Variants in PRKG1 observed in about 807,000 individuals in gnomAD.
PRKG1 encodes protein kinase cGMP-dependent 1, also known as cGMP-dependent protein kinase 1.
In PRKG1, 35 loss-of-function variants were observed where a neutral mutation model predicts 88.1. That is an observed-to-expected ratio of 0.40 (90% CI 0.30 to 0.53). PRKG1 has a LOEUF of 0.53. Among genes scored for constraint, PRKG1 ranks in the 20% least tolerant of loss-of-function variants. The pLI is 0.59. For synonymous variants in PRKG1, 303 were observed against 292.5 expected (o/e 1.04, Z -0.37); for missense variants, 540 against 839.8 (o/e 0.64, Z 4.41).
At chr10:51,129,194 G>A (rs920907341) in intron 1 of PRKG1, among the ~76,000 whole-genome samples, 4 of 152,164 alleles carry the variant, frequency 2.6e-5, no homozygotes, top group African/African-American at 9.6e-5. Context: ...ACATAAACAG[G>A]GCCGGGTGTG....
upstream of PRKG1, among the ~76,000 whole-genome samples, chr10:51,071,446 A>G (rs568090297): frequency 6.6e-6 from 1 of 152,354 alleles, no homozygotes; most frequent in East Asian, 1.9e-4. Context: ...AATATATTCT[A>G]TTCCTTGAAC....
At chr10:51,204,966 A>G (rs566611113) in intron 2 of PRKG1, among the ~76,000 whole-genome samples, 36 of 152,046 alleles carry the variant, frequency 2.4e-4, no homozygotes, top group African/African-American at 6.3e-4. Context: ...CATGGTGTGT[A>G]CTTTCCCATG....
chr10:52,283,357 A>G (rs1842042603), intron 14 of PRKG1, among the ~76,000 whole-genome samples: 2 of 152,086 alleles, frequency 1.3e-5, no homozygotes. Flanking sequence ...GAATTACTTA[A>G]GAGGACTTAG....
At chr10:51,493,876 A>G (rs1397206232) in intron 3 of PRKG1, among the ~76,000 whole-genome samples, 2 of 152,170 alleles carry the variant, frequency 1.3e-5, no homozygotes, top group Non-Finnish European at 2.9e-5. Context: ...ATTCCTTCCA[A>G]GAGTTTGAAA....
chr10:52,143,373 C>A (rs1173949877), intron 8 of PRKG1, among the ~76,000 whole-genome samples: 2 of 152,078 alleles, frequency 1.3e-5, no homozygotes, highest in African/African-American at 2.4e-5. Context: ...TTGGCAGCAT[C>A]CTGACCTCTA....
chr10:51,166,807 G>A (rs556805121), intron 2 of PRKG1, among the ~76,000 whole-genome samples: 1 of 152,262 alleles, frequency 6.6e-6, no homozygotes, highest in African/African-American at 2.4e-5. Context: ...CTGCAGAAAG[G>A]GTGGTAGAGA....
chr10:51,922,285 C>CT (rs1842479562), intron 5 of PRKG1, among the ~76,000 whole-genome samples: 1 of 60,296 alleles, frequency 1.7e-5, no homozygotes, highest in African/African-American at 6.7e-5. Context: ...TCTTCTCTCT[C>CT]TTTTTTTCTT....
intron 2 of PRKG1, among the ~76,000 whole-genome samples, chr10:51,325,197 A>C (rs211078): frequency 0.035 from 5,302 of 152,254 alleles, 308 homozygotes; most frequent in African/African-American, 0.12. Context: ...ATATCTATTC[A>C]GGTCTTTTAC....
At chr10:51,020,549 G>C (rs763689757) in intron 1 of PRKG1, among the ~76,000 whole-genome samples, 5 of 152,094 alleles carry the variant, frequency 3.3e-5, no homozygotes, top group African/African-American at 1.2e-4. Context: ...TTTAAATAAT[G>C]CTTTAAAAAT....
chr10:51,412,180 T>TGAGAGAGA lies in PRKG1; in HGVS notation c.479-55516_479-55509dup, dbSNP rs746950388. 2.1e-3 allele frequency among the ~76,000 whole-genome samples: 269 copies of TGAGAGAGA among 125,322 alleles called. 1 individual carries two copies. Among genetic ancestry groups the TGAGAGAGA allele is most frequent in the African/African-American group, 6.6e-3 (217 of 32,900 alleles). The allele number at this position is 125,322 out of a possible 152,430, so 82.2% of individuals were successfully genotyped here. On this transcript the variant is annotated intron_variant, in intron 2 of 17. Coordinates refer to ENST00000373980, the MANE Select transcript of PRKG1 (RefSeq NM_006258.4). Reference sequence around the variant, plus strand: ...ACCAAGCTGATTAAAGGAGAGAGAGTGAGAGAGAGAGAGAGAGAGAGAGAG... The same window carrying TGAGAGAGA: ...ACCAAGCTGATTAAAGGAGAGAGAGTGAGAGAGAGAGAGAGAGAGAGAGAGAGAGAGAG...
At chr10:51,180,004 T>C (rs1270284353) in intron 2 of PRKG1, among the ~76,000 whole-genome samples, 4 of 152,232 alleles carry the variant, frequency 2.6e-5, no homozygotes, top group African/African-American at 9.6e-5. Flanking sequence ...TTTTGTTTCA[T>C]TCCTCTGAAC....
chr10:51,043,099 T>C (rs1006032458), intron 1 of PRKG1, among the ~76,000 whole-genome samples: 2 of 152,156 alleles, frequency 1.3e-5, no homozygotes, highest in Non-Finnish European at 2.9e-5. Context: ...ACAAGGGGAT[T>C]GAGCCTTTAT....
intron 1 of PRKG1, among the ~76,000 whole-genome samples, chr10:51,080,384 CA>C (rs1844076102): frequency 6.6e-6 from 1 of 152,192 alleles, no homozygotes; most frequent in East Asian, 1.9e-4. Flanking sequence ...GGTAGAAGAA[CA>C]CAGATGATGT....
chr10:51,512,669 C>CT (rs1437602189), intron 3 of PRKG1, among the ~76,000 whole-genome samples: 1 of 68,816 alleles, frequency 1.5e-5, no homozygotes, highest in East Asian at 3.9e-4. Context: ...GTGCATGTGT[C>CT]TTTATAGCAG....
chr10:52,024,299 ATTT>A (rs1564434598), intron 5 of PRKG1, among the ~76,000 whole-genome samples: 1 of 130,008 alleles, frequency 7.7e-6, no homozygotes, highest in Non-Finnish European at 1.6e-5. Flanking sequence ...TTATTTATTC[ATTT>A]ATTTATTTAT....
chr10:51,541,103 C>T (rs1331742861), intron 3 of PRKG1, among the ~76,000 whole-genome samples: 1 of 152,118 alleles, frequency 6.6e-6, no homozygotes, highest in African/African-American at 2.4e-5. Context: ...TCATGGAAGA[C>T]AATTTTTCCA....
chr10:51,386,148 T>C (rs1837243703), intron 2 of PRKG1, among the ~76,000 whole-genome samples: 1 of 152,168 alleles, frequency 6.6e-6, no homozygotes, highest in Admixed American at 6.5e-5. Context: ...TTTCCTCTTG[T>C]TCCATTATTC....
At chr10:51,784,281 C>T (rs553943800) in intron 3 of PRKG1, among the ~76,000 whole-genome samples, 2 of 152,052 alleles carry the variant, frequency 1.3e-5, no homozygotes, top group East Asian at 1.9e-4. Context: ...TTGTGTCTAG[C>T]GTGGAGATGA....
intron 1 of PRKG1, among the ~76,000 whole-genome samples, chr10:51,093,724 G>A (rs867523706): frequency 3.4e-4 from 49 of 144,278 alleles, no homozygotes; most frequent in African/African-American, 9.9e-4. Context: ...ATACATGTGT[G>A]TGTGTATTTT....
Sources: gnomAD v4.1 joint callset for allele counts (sites outside exome capture counted in the v4.1 genomes callset) on GRCh38, gnomAD v4.1.1 for gene constraint, MANE v1.5 for transcripts, NCBI Gene and HGNC (gene_info 2026-07-23, HGNC 2026-07-21) for gene names.